The following EML5 variants were observed in gnomAD, a reference collection of about 807,000 sequenced individuals.
EML5 encodes echinoderm microtubule-associated protein-like 5.
A neutral mutation model predicts 250.0 loss-of-function variants in EML5; 120 were observed. That is an observed-to-expected ratio of 0.48 (90% confidence interval 0.41 to 0.56). The LOEUF is 0.56. Among genes scored for constraint, EML5 ranks in the 20% least tolerant of loss-of-function variants. The probability of loss-of-function intolerance (pLI) is 0.00; values close to 1 mark genes in which losing one functional copy is unlikely to be tolerated. For missense variants in EML5, 2,006 were observed against 2,437.6 expected (o/e 0.82, Z 3.73); for synonymous variants, 771 against 806.5 (o/e 0.96, Z 0.75).
chr14:88,702,377 G>A, intron 14 of EML5, 69 bp downstream of exon 14: 1 of 1,199,686 alleles, frequency 8.3e-7, no homozygotes, highest in Non-Finnish European at 1.1e-6. Context: ...AAAGAGATAT[G>A]TGATTAATTT....
intron 31 of EML5, among the ~76,000 whole-genome samples, chr14:88,639,689 G>A (rs1269374433): frequency 1.3e-5 from 2 of 152,066 alleles, no homozygotes; most frequent in Non-Finnish European, 2.9e-5. Flanking sequence ...CAATTCTCAT[G>A]CCTCAGCCTC....
chr14:88,661,539 TACA>T (rs1427533782), intron 25 of EML5, 112 bp downstream of exon 25: 16 of 932,486 alleles, frequency 1.7e-5, no homozygotes, highest in South Asian at 1.0e-4. Flanking sequence ...CCTTTCATAT[TACA>T]ACATTACATA....
chr14:88,614,688 AATG>A lies in EML5; in HGVS notation c.*1127_*1129del, dbSNP rs1228986912. 6.6e-6 allele frequency: 1 copy of A among 152,228 alleles called. No individual in the cohort carries two copies. Among genetic ancestry groups the A allele is most frequent in the East Asian group, 1.9e-4 (1 of 5,202 alleles). 9.4% of individuals were successfully genotyped at this position (152,228 alleles called of 1,614,324 possible). On this transcript the variant is annotated 3_prime_UTR_variant, in exon 44 of 44. Coordinates refer to ENST00000554922, the MANE Select transcript of EML5 (RefSeq NM_183387.3). ...AGATAGGCTAGACAGCGAATTCCTG[AATG>A]ATGAGTAGTGATCTTTGGCAGCATT...
chr14:88,688,573 G>A (rs2092890301), intron 17 of EML5, 100 bp from the exon 18 acceptor site: 2 of 1,197,544 alleles, frequency 1.7e-6, no homozygotes, highest in South Asian at 1.4e-5. Context: ...TGTTTGAATA[G>A]TAAGGCATGC....
intron 17 of EML5, among the ~76,000 whole-genome samples, chr14:88,688,876 G>A (rs947477134): frequency 1.3e-5 from 2 of 152,066 alleles, no homozygotes; most frequent in Non-Finnish European, 2.9e-5. Flanking sequence ...CCTTCTTCAC[G>A]CTTTAGTATT....
chr14:88,792,644 C>A lies in EML5; in HGVS notation c.-141G>T, dbSNP rs2094622679. ...TCTAAGCCGCGCCCGTCAGGTGCAT[C>A]TCGTTTCGGGGGCCGCCGCCGCCTC... On this transcript the variant is annotated 5_prime_UTR_variant, in exon 1 of 44. Transcript: ENST00000554922. The surrounding 1 kb of genome is among the most constrained non-coding windows in gnomAD (Gnocchi z 6.9). 2 of 1,157,746 alleles carry A rather than the reference C, an allele frequency of 1.7e-6. No homozygotes were observed. Among genetic ancestry groups the A allele is most frequent in the Non-Finnish European group, 2.1e-6 (2 of 941,508 alleles). 71.7% of individuals were successfully genotyped at this position (1,157,746 alleles called of 1,614,324 possible). A position where few individuals can be genotyped will look rare whatever the true frequency, so the allele number is the denominator to read the frequency against.
intron 4 of EML5, 116 bp from the exon 5 acceptor site, chr14:88,740,688 G>T: frequency 1.1e-6 from 1 of 894,830 alleles, no homozygotes. Flanking sequence ...CTAAGAAATT[G>T]CCTTATGATA....
rs1276983970 is a variant in EML5, at chr14:88,746,231, C to T, written c.410G>A (p.Trp137Ter). The T allele has an allele frequency of 6.2e-7, 1 of 1,613,344 alleles. No individual in the cohort carries two copies. Among genetic ancestry groups the T allele is most frequent in the East Asian group, 2.2e-5 (1 of 44,784 alleles). ...DSKNAVCVWD[W>*]KRGKMLSMAP... ...CATAGACAACATTTTTCCCCTTTTC[C>T]AGTCCCAAACACAAACTGCATTCTT... The change falls in exon 3 of 44, where the codon TGG becomes TAG. Residue 137 changes from tryptophan to a stop codon, truncating the protein, a stop_gained. Transcript: ENST00000554922. LOFTEE classifies it high-confidence loss of function.
rs556879723 is a variant in EML5 at position 88,630,721 on chromosome 14, C to T, written c.4358-2902G>A. Among the ~76,000 whole-genome samples the T allele has an allele frequency of 5.3e-5, 8 of 152,168 alleles. No individual in the cohort carries two copies. The East Asian group carries it at 5.8e-4, about 11-fold the overall frequency. On this transcript the variant is annotated intron_variant, in intron 33 of 43. Transcript: ENST00000554922. ...GCTAAAATGACTCAGTCAGGCTAAA[C>T]GGAAGGATTTTTAGGTCATGGCTCT...
intron 33 of EML5, among the ~76,000 whole-genome samples, chr14:88,629,537 T>C (rs1476698104): frequency 4.6e-5 from 7 of 152,218 alleles, no homozygotes; most frequent in Non-Finnish European, 7.3e-5. Flanking sequence ...ACTATGTTTA[T>C]TAAGTATATT....
intron 33 of EML5, among the ~76,000 whole-genome samples, chr14:88,630,851 T>C (rs543826157): frequency 6.6e-6 from 1 of 152,320 alleles, no homozygotes; most frequent in East Asian, 1.9e-4. Context: ...ACCAGCCTTA[T>C]CGGTGAAGCC....
chr14:88,719,673 CT>C (rs1226681790), intron 8 of EML5, among the ~76,000 whole-genome samples: 2,251 of 144,096 alleles, frequency 0.016, 48 homozygotes, highest in African/African-American at 0.048. Flanking sequence ...ATGATATGAG[CT>C]TTTTTTTTTT....
rs549763313 is a variant in EML5, at chr14:88,636,597, G to A, written c.4337-2108C>T. On this transcript the variant is annotated intron_variant, in intron 32 of 43. Transcript: ENST00000554922. ...AATGGCGTGAACCCGGGAGGTGGGG[G>A]CTGCAGTGAGCCGAGATTGTGCCAC... 3.2e-4 allele frequency among the ~76,000 whole-genome samples: 49 copies of A among 152,258 alleles called. 1 individual carries two copies. In the South Asian group the frequency reaches 1.0e-2, roughly 31 times the overall value.
intron 4 of EML5, among the ~76,000 whole-genome samples, chr14:88,741,049 G>A (rs2084295677): frequency 6.6e-6 from 1 of 152,092 alleles, no homozygotes; most frequent in South Asian, 2.1e-4. Context: ...TGTAATCCCA[G>A]TTACTCGGGA....
chr14:88,712,639 A>G (rs2093425406), intron 9 of EML5, among the ~76,000 whole-genome samples, 156 bp from the exon 10 acceptor site: 1 of 152,212 alleles, frequency 6.6e-6, no homozygotes, highest in African/African-American at 2.4e-5. Flanking sequence ...TTGGGTTAAG[A>G]GAAAAGAAAA....
intron 1 of EML5, among the ~76,000 whole-genome samples, chr14:88,763,178 CAG>C (rs1231072582): frequency 2.0e-5 from 3 of 151,700 alleles, no homozygotes; most frequent in Non-Finnish European, 2.9e-5. Context: ...CTGAAGGAGA[CAG>C]AGAAGAAAAC....
chr14:88,733,000 A>C (rs1406771126), intron 7 of EML5, among the ~76,000 whole-genome samples: 1 of 152,178 alleles, frequency 6.6e-6, no homozygotes, highest in African/African-American at 2.4e-5. Flanking sequence ...CTAAAATTAT[A>C]AGGCAAAAGC....
At chr14:88,729,927 C>T (rs528012963) in intron 7 of EML5, among the ~76,000 whole-genome samples, 7 of 148,568 alleles carry the variant, frequency 4.7e-5, no homozygotes, top group African/African-American at 1.7e-4. Flanking sequence ...GTCTTTGTAT[C>T]ACACTACAGA....
In EML5 at chr14:88,613,993, T is replaced by C. The variant is rs2087217835; in HGVS notation, c.*1825A>G. The C allele has an allele frequency of 1.3e-5, 2 of 152,186 alleles. No homozygotes were observed. The highest frequency in any genetic ancestry group is 1.3e-4 in the Admixed American group (2 of 15,274). The allele number at this position is 152,186 out of a possible 1,614,324, so 9.4% of individuals were successfully genotyped here. ...AGTGATTAAGGCTGACTTAATCAGG[T>C]TGGCCACTTTGAAGGACAGAAATGC... On this transcript the variant is annotated 3_prime_UTR_variant, in exon 44 of 44. Transcript: ENST00000554922.
Sources: allele counts gnomAD v4.1 joint callset (sites outside exome capture counted in the v4.1 genomes callset), GRCh38; gene constraint gnomAD v4.1.1; non-coding constraint Gnocchi (gnomAD v3.1); transcripts MANE v1.5; gene names NCBI Gene and HGNC (gene_info 2026-07-23, HGNC 2026-07-21).